TNIK: variants seen among roughly 807,000 people sequenced by gnomAD.
TNIK encodes the protein TRAF2 and NCK interacting kinase.
Under a neutral mutation model 191.3 loss-of-function variants are expected in TNIK, and 49 were observed. The observed-to-expected ratio is 0.26, with a 90% confidence interval of 0.20 to 0.32. TNIK has a LOEUF of 0.32. Ranked by LOEUF, TNIK falls within the 10% of genes least tolerant of loss-of-function variation. The pLI is 1.00. For synonymous variants in TNIK, 594 were observed against 600.9 expected (o/e 0.99, Z 0.17); for missense variants, 1,155 against 1,702.3 (o/e 0.68, Z 5.66).
rs764331012 is a variant in TNIK at position 171,066,626 on chromosome 3, C to T, written c.3809G>A (p.Arg1270Gln). 9.9e-6 allele frequency: 16 copies of T among 1,613,584 alleles called. No homozygotes were observed. Among genetic ancestry groups the T allele is most frequent in the Middle Eastern group, 1.6e-4 (1 of 6,084 alleles). ...DEGVYVNTYGRITKDVVLQWG... is the reference protein window; with the variant it reads ...DEGVYVNTYGQITKDVVLQWG... ...TTGGAGCACCACATCCTTAGTTATC[C>T]GGCCATAGGTGTTTACATACACCCC... Residue 1270 changes from arginine to glutamine, a missense_variant, in exon 31 of 33, where the codon CGG (arginine) becomes CAG (glutamine). Transcript: ENST00000436636.
At chr3:171,196,037 A>G (rs1168446287) in intron 4 of TNIK, among the ~76,000 whole-genome samples, 3 of 152,224 alleles carry the variant, frequency 2.0e-5, no homozygotes, top group Non-Finnish European at 4.4e-5. Context: ...TGCCTTAACA[A>G]GGTCATCCCC....
At chr3:171,214,360 A>G (rs1741208911) in intron 3 of TNIK, among the ~76,000 whole-genome samples, 1 of 152,194 alleles carries the variant, frequency 6.6e-6, no homozygotes, top group South Asian at 2.1e-4. Context: ...CTAAAAAGTT[A>G]TAAGTGAAAA....
At chr3:171,430,029 GTAGA>G (rs1467915432) in intron 1 of TNIK, among the ~76,000 whole-genome samples, 1 of 152,064 alleles carries the variant, frequency 6.6e-6, no homozygotes. Flanking sequence ...ATCTCTAGAG[GTAGA>G]TAGAGCCCAC....
At chr3:171,350,708 T>C (rs1713029426) in intron 2 of TNIK, among the ~76,000 whole-genome samples, 2 of 151,840 alleles carry the variant, frequency 1.3e-5, no homozygotes, top group South Asian at 2.1e-4. Flanking sequence ...ACTCACTGTA[T>C]ACCTAAAATT....
chr3:171,178,901 C>T (rs1294036814), intron 7 of TNIK, among the ~76,000 whole-genome samples: 1 of 152,112 alleles, frequency 6.6e-6, no homozygotes, highest in Non-Finnish European at 1.5e-5. Flanking sequence ...AAATTCATAA[C>T]CTTCATGCTG....
chr3:171,146,856 C>A (rs533018071), intron 12 of TNIK, among the ~76,000 whole-genome samples: 1 of 137,648 alleles, frequency 7.3e-6, no homozygotes, highest in Non-Finnish European at 1.5e-5. Context: ...TGCCACTGTA[C>A]GAGATTGTGC....
intron 1 of TNIK, among the ~76,000 whole-genome samples, chr3:171,440,858 A>G (rs939315878): frequency 2.6e-5 from 4 of 152,198 alleles, no homozygotes; most frequent in South Asian, 2.1e-4. Context: ...GAACATTAAG[A>G]AAACAGAAAG....
intron 18 of TNIK, among the ~76,000 whole-genome samples, chr3:171,122,651 A>G (rs1727920621): frequency 6.6e-6 from 1 of 152,236 alleles, no homozygotes; most frequent in South Asian, 2.1e-4. Flanking sequence ...TTTTAAAGAT[A>G]TGTGCATGTA....
rs1729316047 is a variant in TNIK, at chr3:171,460,222, C to G, written c.-159G>C. The G allele has an allele frequency of 3.4e-6, 3 of 892,020 alleles. No homozygotes were observed. Among genetic ancestry groups the G allele is most frequent in the Non-Finnish European group, 3.4e-6 (2 of 587,316 alleles). 55.3% of individuals were successfully genotyped at this position (892,020 alleles called of 1,614,324 possible). A position where few individuals can be genotyped will look rare whatever the true frequency, so the allele number is the denominator to read the frequency against. ...CACCCCAGCCCCACAGCGCCGGATC[C>G]CGATCCTCCGCGCGTCGGTCCGCCG... On this transcript the variant is annotated 5_prime_UTR_variant, in exon 1 of 33. Transcript: ENST00000436636. This position sits in a 1 kb window ranked among gnomAD's most constrained non-coding sequence, Gnocchi z 6.8.
intron 6 of TNIK, among the ~76,000 whole-genome samples, chr3:171,190,243 G>A (rs1046510681): frequency 1.8e-4 from 27 of 152,136 alleles, no homozygotes; most frequent in African/African-American, 6.5e-4. Flanking sequence ...CACTTTGCAC[G>A]GGAGCCCAAG....
At chr3:171,322,721 T>C (rs1477343253) in intron 2 of TNIK, among the ~76,000 whole-genome samples, 1 of 152,206 alleles carries the variant, frequency 6.6e-6, no homozygotes, top group Non-Finnish European at 1.5e-5. Context: ...ATGTCCCTCA[T>C]TTCAGTGCTC....
At chr3:171,215,837 T>A (rs1741395102) in intron 3 of TNIK, among the ~76,000 whole-genome samples, 1 of 152,208 alleles carries the variant, frequency 6.6e-6, no homozygotes, top group Non-Finnish European at 1.5e-5. Context: ...TTATATGCTC[T>A]GTAATAAAGT....
At chr3:171,251,906 A>G (rs1024209819) in intron 2 of TNIK, among the ~76,000 whole-genome samples, 4 of 152,246 alleles carry the variant, frequency 2.6e-5, no homozygotes, top group African/African-American at 4.8e-5. Context: ...TTAGAAAGTA[A>G]ATATGATAAC....
intron 2 of TNIK, among the ~76,000 whole-genome samples, chr3:171,302,077 C>A (rs1458592238): frequency 6.6e-6 from 1 of 152,114 alleles, no homozygotes; most frequent in Non-Finnish European, 1.5e-5. Context: ...AATTCTTCTG[C>A]TTAATTTGAA....
chr3:171,228,834 A>G (rs1312320851), intron 2 of TNIK, among the ~76,000 whole-genome samples: 2 of 152,182 alleles, frequency 1.3e-5, no homozygotes, highest in Non-Finnish European at 2.9e-5. Context: ...ACGTGGCAAA[A>G]TCAGAAACGA....
chr3:171,263,769 G>T (rs536577957), intron 2 of TNIK, among the ~76,000 whole-genome samples: 14 of 151,970 alleles, frequency 9.2e-5, no homozygotes, highest in Admixed American at 6.6e-4. Flanking sequence ...GCCAGGTAAG[G>T]GGTGCTTACC....
intron 7 of TNIK, 36 bp downstream of exon 7, chr3:171,188,666 T>C (rs1231004463): frequency 1.2e-6 from 2 of 1,610,296 alleles, no homozygotes; most frequent in African/African-American, 2.7e-5. Context: ...GATAAGATGG[T>C]AGGCATAGTT....
intron 4 of TNIK, among the ~76,000 whole-genome samples, chr3:171,204,920 C>T (rs1739871328): frequency 1.3e-5 from 2 of 152,138 alleles, no homozygotes; most frequent in Admixed American, 6.5e-5. Flanking sequence ...GCTATAAGAC[C>T]TTGGACAAAC....
At chr3:171,126,313 T>G (rs572443657) in intron 16 of TNIK, among the ~76,000 whole-genome samples, 162 bp from the exon 17 acceptor site, 22 of 152,194 alleles carry the variant, frequency 1.4e-4, no homozygotes, top group Admixed American at 4.6e-4. Flanking sequence ...TAACAGCTCT[T>G]CAAAATTTTC....
Sources: allele counts gnomAD v4.1 joint callset (sites outside exome capture counted in the v4.1 genomes callset), GRCh38; gene constraint gnomAD v4.1.1; non-coding constraint Gnocchi (gnomAD v3.1); transcripts MANE v1.5; gene names NCBI Gene and HGNC (gene_info 2026-07-23, HGNC 2026-07-21).